The following MGST2 variants were observed in gnomAD, a reference collection of about 807,000 sequenced individuals.
The protein encoded by MGST2 is microsomal glutathione S-transferase 2.
A neutral mutation model predicts 16.6 loss-of-function variants in MGST2; 9 were observed. The observed-to-expected ratio is 0.54, with a 90% CI of 0.33 to 0.95. MGST2 has a LOEUF of 0.95. Ranked by LOEUF, MGST2 falls within the 40% of genes least tolerant of loss-of-function variation. The pLI is 0.03. For synonymous variants in MGST2, 79 were observed against 68.0 expected (o/e 1.16, Z -0.79); for missense variants, 159 against 175.1 (o/e 0.91, Z 0.52).
intron 5 of MGST2, among the ~76,000 whole-genome samples, chr4:139,733,557 G>GA (rs3051189): frequency 0.022 from 2,817 of 126,122 alleles, 42 homozygotes; most frequent in Non-Finnish European, 0.026. Flanking sequence ...AGCACAGTGT[G>GA]AAAAAAAAAA....
intron 5 of MGST2, among the ~76,000 whole-genome samples, chr4:139,737,039 C>T (rs970040545): frequency 6.6e-6 from 1 of 152,212 alleles, no homozygotes; most frequent in African/African-American, 2.4e-5. Context: ...GGACGGACTA[C>T]TCCAGTTGCA....
chr4:139,709,570 A>G (rs1340140306), intron 5 of MGST2, among the ~76,000 whole-genome samples: 1 of 152,216 alleles, frequency 6.6e-6, no homozygotes, highest in Non-Finnish European at 1.5e-5. Flanking sequence ...CGAAATATAT[A>G]TGTGAAGCAT....
intron 4 of MGST2, 88 bp from the exon 5 acceptor site, chr4:139,703,928 G>A: frequency 6.5e-7 from 1 of 1,544,260 alleles, no homozygotes; most frequent in Non-Finnish European, 8.9e-7. Context: ...TCTGGACAGT[G>A]TTAACGATAG....
At chr4:139,667,860 GAAA>G (rs1022829562) in intron 1 of MGST2, among the ~76,000 whole-genome samples, 1 of 150,716 alleles carries the variant, frequency 6.6e-6, no homozygotes, top group African/African-American at 2.4e-5. Context: ...CCATCTCAAA[GAAA>G]AAAAAAAGAT....
intron 5 of MGST2, among the ~76,000 whole-genome samples, chr4:139,710,915 A>G (rs565379683): frequency 4.6e-5 from 7 of 152,188 alleles, no homozygotes; most frequent in African/African-American, 1.7e-4. Context: ...TATGTGATTT[A>G]TTAACAAAGG....
the MGST2 span, among the ~76,000 whole-genome samples, chr4:139,752,151 C>G: frequency 6.6e-6 from 1 of 152,164 alleles, no homozygotes; most frequent in Non-Finnish European, 1.5e-5. Flanking sequence ...TAGGTTCTCC[C>G]TAATAATTCC....
At chr4:139,679,689 T>G (rs912837845) in intron 2 of MGST2, among the ~76,000 whole-genome samples, 2 of 152,194 alleles carry the variant, frequency 1.3e-5, no homozygotes, top group Non-Finnish European at 1.5e-5. Context: ...AGGAGGGTTT[T>G]ACAGACTACT....
chr4:139,717,475 G>A (rs1478292648), intron 5 of MGST2: 7 of 152,222 alleles, frequency 4.6e-5, no homozygotes, highest in African/African-American at 7.2e-5. Context: ...CCACCTCTTC[G>A]GAGAGGGCGC....
chr4:139,693,404 C>CAAAA (rs55723907), intron 2 of MGST2, among the ~76,000 whole-genome samples: 6 of 66,758 alleles, frequency 9.0e-5, no homozygotes, highest in East Asian at 3.8e-4. Context: ...GACTACGTCT[C>CAAAA]AAAAAAAAAA....
At chr4:139,745,533 C>T (rs1729292678), downstream of MGST2, among the ~76,000 whole-genome samples, 1 of 152,108 alleles carries the variant, frequency 6.6e-6, no homozygotes, top group Admixed American at 6.5e-5. Context: ...CAGGCATATT[C>T]CTGCAAGAAT....
rs146923037 is a variant in MGST2 at position 139,691,114 on chromosome 4, G to A, written c.159-4083G>A. On this transcript the variant is annotated intron_variant, in intron 2 of 4. Transcript: ENST00000265498. Reference sequence around the variant, plus strand: ...AGGGGATTGTTCAAAGAGGGCTCTCGCCAGGGAATGAGTATACACAGCCTG... The same window carrying A: ...AGGGGATTGTTCAAAGAGGGCTCTCACCAGGGAATGAGTATACACAGCCTG... Among the ~76,000 whole-genome samples the A allele has an allele frequency of 2.9e-4, 44 of 152,284 alleles. No individual in the cohort carries two copies. The East Asian group carries it at 4.1e-3, about 14-fold the overall frequency.
intron 5 of MGST2, among the ~76,000 whole-genome samples, chr4:139,728,702 T>C (rs939478641): frequency 1.3e-5 from 2 of 152,180 alleles, no homozygotes; most frequent in Admixed American, 6.5e-5. Context: ...GCTCTCTCCA[T>C]GCTCTGGATT....
chr4:139,683,774 G>T (rs1201121482), intron 2 of MGST2, among the ~76,000 whole-genome samples: 1 of 152,060 alleles, frequency 6.6e-6, no homozygotes, highest in Admixed American at 6.6e-5. Flanking sequence ...AAACAAAGAG[G>T]TTTAATTGGA....
chr4:139,731,042 C>T, intron 5 of MGST2: 1 of 224,384 alleles, frequency 4.5e-6, no homozygotes, highest in East Asian at 9.0e-5. Context: ...CACATCCTGA[C>T]CTCACCTGTT....
At chr4:139,670,265 G>GA (rs1235528383) in intron 1 of MGST2, among the ~76,000 whole-genome samples, 2 of 115,858 alleles carry the variant, frequency 1.7e-5, no homozygotes, top group Non-Finnish European at 3.5e-5. Context: ...GGGCGGGGGG[G>GA]GGGCGGTTAA....
At chr4:139,725,180 C>T (rs1018458156) in intron 5 of MGST2, among the ~76,000 whole-genome samples, 3 of 152,204 alleles carry the variant, frequency 2.0e-5, no homozygotes, top group Non-Finnish European at 4.4e-5. Context: ...TTTAGGATTC[C>T]CGCAAACGGC....
chr4:139,707,698 C>T (rs1332790410), downstream of MGST2, among the ~76,000 whole-genome samples: 4 of 150,664 alleles, frequency 2.7e-5, no homozygotes, highest in African/African-American at 4.8e-5. Flanking sequence ...CCTATTTCTC[C>T]ACATCCTCTC....
Position 139,666,007 on chromosome 4 carries a change from T to G in MGST2, c.-13T>G. 1 of 1,613,996 alleles carries G rather than the reference T, an allele frequency of 6.2e-7. No individual in the cohort carries two copies. The highest frequency in any genetic ancestry group is 8.5e-7 in the Non-Finnish European group (1 of 1,179,948). Reference sequence around the variant, plus strand: ...ATCTTCCCGTGCGCTCTACAAATAGTTCCGTGAGAAAGATGGCCGGGAACT... The same window carrying G: ...ATCTTCCCGTGCGCTCTACAAATAGGTCCGTGAGAAAGATGGCCGGGAACT... On this transcript the variant is annotated 5_prime_UTR_variant, in exon 1 of 5. Coordinates refer to ENST00000265498, the MANE Select transcript of MGST2 (RefSeq NM_002413.5).
At chr4:139,681,997 C>T (rs966034439) in intron 2 of MGST2, among the ~76,000 whole-genome samples, 5 of 152,050 alleles carry the variant, frequency 3.3e-5, no homozygotes, top group Admixed American at 3.3e-4. Context: ...TCAAGAGCAG[C>T]CTGGGCAACA....
Sources: allele counts gnomAD v4.1 joint callset (sites outside exome capture counted in the v4.1 genomes callset), GRCh38; gene constraint gnomAD v4.1.1; transcripts MANE v1.5; gene names NCBI Gene and HGNC (gene_info 2026-07-23, HGNC 2026-07-21).